The following SPOCK1 variants were observed in gnomAD, a reference collection of about 807,000 sequenced individuals.
The protein encoded by SPOCK1 is SPARC (osteonectin), cwcv and kazal like domains proteoglycan 1.
A neutral mutation model predicts 55.3 loss-of-function variants in SPOCK1; 23 were observed. The observed-to-expected ratio is 0.42, with a 90% CI of 0.30 to 0.59. The LOEUF is 0.59. Among genes scored for constraint, SPOCK1 ranks in the 20% least tolerant of loss-of-function variants. The pLI is 0.22. For synonymous variants in SPOCK1, 226 were observed against 221.0 expected (o/e 1.02, Z -0.20); for missense variants, 499 against 552.5 (o/e 0.90, Z 0.97).
chr5:137,334,250 C>G (rs1171257427), intron 2 of SPOCK1, among the ~76,000 whole-genome samples: 1 of 152,196 alleles, frequency 6.6e-6, no homozygotes, highest in Non-Finnish European at 1.5e-5. Flanking sequence ...AGTTTCTTTT[C>G]TGCTGAGATT....
chr5:137,470,469 G>C (rs182705206), intron 2 of SPOCK1, among the ~76,000 whole-genome samples: 1 of 152,262 alleles, frequency 6.6e-6, no homozygotes, highest in East Asian at 1.9e-4. Flanking sequence ...GTATTAATAA[G>C]AAGTCCAAAC....
intron 5 of SPOCK1, among the ~76,000 whole-genome samples, chr5:137,093,943 A>G (rs1241859553): frequency 2.0e-5 from 3 of 152,222 alleles, no homozygotes; most frequent in Non-Finnish European, 4.4e-5. Context: ...CTCTGTGAAG[A>G]ACAGACTACA....
intron 2 of SPOCK1, among the ~76,000 whole-genome samples, chr5:137,486,085 C>T (rs572622018): frequency 3.9e-5 from 6 of 152,328 alleles, no homozygotes; most frequent in African/African-American, 1.4e-4. Context: ...CAGCCCTCGA[C>T]CAACAGCCCT....
chr5:137,430,025 T>C (rs1178193592), intron 2 of SPOCK1, among the ~76,000 whole-genome samples: 1 of 152,168 alleles, frequency 6.6e-6, no homozygotes, highest in Non-Finnish European at 1.5e-5. Flanking sequence ...GAATAGCAAG[T>C]ACTTGGGAAG....
intron 2 of SPOCK1, among the ~76,000 whole-genome samples, chr5:137,348,866 G>A (rs1199531601): frequency 6.6e-6 from 1 of 152,130 alleles, no homozygotes; most frequent in African/African-American, 2.4e-5. Context: ...GGGAAAAATA[G>A]AGGTAAGCAT....
intron 2 of SPOCK1, among the ~76,000 whole-genome samples, chr5:137,311,442 A>T (rs1395276170): frequency 6.6e-6 from 1 of 152,246 alleles, no homozygotes; most frequent in Non-Finnish European, 1.5e-5. Context: ...GATACCTTAC[A>T]AATGTTCTTC....
chr5:137,104,702 C>T (rs1454280707), intron 5 of SPOCK1, among the ~76,000 whole-genome samples: 1 of 152,162 alleles, frequency 6.6e-6, no homozygotes, highest in African/African-American at 2.4e-5. Context: ...GTTGCATGCT[C>T]TTTATGAGAA....
At chr5:137,466,404 A>T (rs1276630347) in intron 2 of SPOCK1, among the ~76,000 whole-genome samples, 2 of 152,210 alleles carry the variant, frequency 1.3e-5, no homozygotes, top group African/African-American at 2.4e-5. Flanking sequence ...GGCACTGCCC[A>T]AATCTTCATA....
At chr5:137,358,779 TA>T (rs1750879464) in intron 2 of SPOCK1, among the ~76,000 whole-genome samples, 1 of 152,248 alleles carries the variant, frequency 6.6e-6, no homozygotes, top group Non-Finnish European at 1.5e-5. Flanking sequence ...ATTCTTTGGC[TA>T]ACCCCTAAGA....
intron 2 of SPOCK1, among the ~76,000 whole-genome samples, chr5:137,272,398 G>A (rs1756981582): frequency 6.6e-6 from 1 of 152,164 alleles, no homozygotes; most frequent in African/African-American, 2.4e-5. Flanking sequence ...ACATTTGCCT[G>A]TAATTTTGTG....
chr5:137,318,000 A>G (rs779194167), intron 2 of SPOCK1, among the ~76,000 whole-genome samples: 12 of 152,170 alleles, frequency 7.9e-5, no homozygotes, highest in Admixed American at 1.3e-4. Flanking sequence ...TTGATTATTT[A>G]AAAAGTCTCA....
At chr5:137,226,432 A>G (rs1755948645) in intron 3 of SPOCK1, among the ~76,000 whole-genome samples, 1 of 152,210 alleles carries the variant, frequency 6.6e-6, no homozygotes, top group Non-Finnish European at 1.5e-5. Flanking sequence ...TATTCTCAGT[A>G]AGTGATGCTG....
intron 2 of SPOCK1, among the ~76,000 whole-genome samples, chr5:137,359,339 T>C (rs753587967): frequency 4.6e-5 from 7 of 152,178 alleles, no homozygotes; most frequent in Non-Finnish European, 8.8e-5. Flanking sequence ...ATACAAGGCA[T>C]TCTCATTATC....
At chr5:137,070,259 C>T (rs932509690) in intron 5 of SPOCK1, among the ~76,000 whole-genome samples, 3 of 152,186 alleles carry the variant, frequency 2.0e-5, no homozygotes, top group Non-Finnish European at 4.4e-5. Context: ...AGAGCCACAG[C>T]TAACGCACAA....
intron 4 of SPOCK1, among the ~76,000 whole-genome samples, chr5:137,136,838 T>A (rs1022064791): frequency 1.3e-5 from 2 of 152,198 alleles, no homozygotes; most frequent in Admixed American, 1.3e-4. Flanking sequence ...CCACTCTACA[T>A]TGTTTAACAG....
At chr5:137,485,097 A>C (rs575263212) in intron 2 of SPOCK1, among the ~76,000 whole-genome samples, 1 of 152,256 alleles carries the variant, frequency 6.6e-6, no homozygotes, top group South Asian at 2.1e-4. Flanking sequence ...AATTTATTTC[A>C]CTCTTCTGTA....
chr5:137,328,234 G>A (rs1758111982), intron 2 of SPOCK1, among the ~76,000 whole-genome samples: 1 of 152,238 alleles, frequency 6.6e-6, no homozygotes, highest in Admixed American at 6.5e-5. Flanking sequence ...TGAAGTCCCT[G>A]GGTCAGGGGC....
rs549824065 is a variant in SPOCK1, at chr5:136,992,452, T to G, written c.706+32A>C. 20 of 1,524,360 alleles carry G rather than the reference T, an allele frequency of 1.3e-5. No individual in the cohort carries two copies. In the Admixed American group the frequency reaches 2.8e-4, roughly 21 times the overall value. 94.4% of individuals were successfully genotyped at this position (1,524,360 alleles called of 1,614,324 possible). On this transcript the variant is annotated intron_variant, in intron 7 of 10. Coordinates refer to ENST00000394945, the MANE Select transcript of SPOCK1 (RefSeq NM_004598.4). Reference sequence around the variant, plus strand: ...TAACCCTAAATCAATGTCTAATAAATTGAGGAAATGTGATATTTAAAATGG... The same window carrying G: ...TAACCCTAAATCAATGTCTAATAAAGTGAGGAAATGTGATATTTAAAATGG...
At chr5:137,112,028 CTGA>C (rs1180159860) in intron 5 of SPOCK1, among the ~76,000 whole-genome samples, 1 of 152,086 alleles carries the variant, frequency 6.6e-6, no homozygotes, top group African/African-American at 2.4e-5. Context: ...TAGGTGTGCA[CTGA>C]TGTCACACCC....
Sources: gnomAD v4.1 joint callset for allele counts (sites outside exome capture counted in the v4.1 genomes callset) on GRCh38, gnomAD v4.1.1 for gene constraint, MANE v1.5 for transcripts, NCBI Gene and HGNC (gene_info 2026-07-23, HGNC 2026-07-21) for gene names.